Variants in ST6GALNAC3 observed in about 807,000 individuals in gnomAD.
ST6GALNAC3 encodes alpha-N-acetylgalactosaminide alpha-2,6-sialyltransferase 3.
A neutral mutation model predicts 32.7 loss-of-function variants in ST6GALNAC3; 25 were observed. That is an observed-to-expected ratio of 0.76 (90% CI 0.56 to 1.07). ST6GALNAC3 has a LOEUF of 1.07. Ranked by LOEUF, ST6GALNAC3 falls within the 50% of genes least tolerant of loss-of-function variation. The pLI is 0.00. For missense variants in ST6GALNAC3, 355 were observed against 382.4 expected (o/e 0.93, Z 0.60); for synonymous variants, 129 against 133.1 (o/e 0.97, Z 0.21).
At chr1:76,534,374 T>A (rs1663462648) in intron 3 of ST6GALNAC3, among the ~76,000 whole-genome samples, 1 of 152,086 alleles carries the variant, frequency 6.6e-6, no homozygotes, top group Admixed American at 6.6e-5. Context: ...CATCCATGTC[T>A]CTAATACTCC....
At chr1:76,342,014 C>T (rs1453425367) in intron 2 of ST6GALNAC3, among the ~76,000 whole-genome samples, 3 of 152,046 alleles carry the variant, frequency 2.0e-5, no homozygotes, top group Non-Finnish European at 2.9e-5. Context: ...CCAGCTTTAT[C>T]CATGTCCCTG....
chr1:76,387,854 G>A (rs1652216435), intron 2 of ST6GALNAC3, among the ~76,000 whole-genome samples: 1 of 151,980 alleles, frequency 6.6e-6, no homozygotes, highest in Non-Finnish European at 1.5e-5. Context: ...GATTTCCCCT[G>A]ATAGGCTATT....
chr1:76,079,871 C>G (rs991775677), intron 1 of ST6GALNAC3, among the ~76,000 whole-genome samples: 2 of 152,208 alleles, frequency 1.3e-5, no homozygotes, highest in African/African-American at 2.4e-5. Context: ...TCAGGCCATC[C>G]CCTGCCTCAG....
chr1:76,400,917 T>C (rs1653367048), intron 2 of ST6GALNAC3, among the ~76,000 whole-genome samples: 1 of 150,944 alleles, frequency 6.6e-6, no homozygotes, highest in Admixed American at 6.6e-5. Context: ...AAAAAAAGAA[T>C]GGAAGATACT....
intron 1 of ST6GALNAC3, among the ~76,000 whole-genome samples, chr1:76,135,338 T>TA (rs1480595828): frequency 6.6e-6 from 1 of 152,232 alleles, no homozygotes; most frequent in Non-Finnish European, 1.5e-5. Flanking sequence ...ACTTAGTATG[T>TA]AAGTATGTTC....
At chr1:76,208,516 G>A (rs928975694) in intron 1 of ST6GALNAC3, among the ~76,000 whole-genome samples, 2 of 152,190 alleles carry the variant, frequency 1.3e-5, no homozygotes, top group African/African-American at 2.4e-5. Flanking sequence ...CTTTTACCAT[G>A]AGGTTGCTTA....
At chr1:76,157,058 G>A (rs1371876026) in intron 1 of ST6GALNAC3, among the ~76,000 whole-genome samples, 1 of 147,258 alleles carries the variant, frequency 6.8e-6, no homozygotes, top group African/African-American at 2.5e-5. Flanking sequence ...TTGGAGGGTG[G>A]TATTAGAATA....
At chr1:76,352,990 C>T (rs1234330335) in intron 2 of ST6GALNAC3, among the ~76,000 whole-genome samples, 1 of 152,136 alleles carries the variant, frequency 6.6e-6, no homozygotes, top group Non-Finnish European at 1.5e-5. Context: ...CACCTACATT[C>T]TCCACTGGTC....
At chr1:76,546,615 A>T (rs1255088707) in intron 3 of ST6GALNAC3, among the ~76,000 whole-genome samples, 1 of 152,210 alleles carries the variant, frequency 6.6e-6, no homozygotes, top group Non-Finnish European at 1.5e-5. Context: ...CAAGGCAGTG[A>T]ATACACCTGG....
At chr1:76,534,437 C>T (rs1007793808) in intron 3 of ST6GALNAC3, among the ~76,000 whole-genome samples, 5 of 152,168 alleles carry the variant, frequency 3.3e-5, no homozygotes, top group African/African-American at 7.2e-5. Flanking sequence ...ATGTACACAT[C>T]GAGATCCCTC....
At chr1:76,267,355 C>A (rs12028135) in intron 1 of ST6GALNAC3, among the ~76,000 whole-genome samples, 1 of 152,064 alleles carries the variant, frequency 6.6e-6, no homozygotes, top group South Asian at 2.1e-4. Flanking sequence ...CCAGCCCACT[C>A]GAGCTCTGTC....
At chr1:76,244,001 G>T (rs1457915038) in intron 1 of ST6GALNAC3, among the ~76,000 whole-genome samples, 1 of 152,170 alleles carries the variant, frequency 6.6e-6, no homozygotes, top group Non-Finnish European at 1.5e-5. Context: ...ATGGTAGCTT[G>T]ATGGGGATGG....
intron 1 of ST6GALNAC3, among the ~76,000 whole-genome samples, chr1:76,309,244 T>C (rs1458498526): frequency 6.6e-6 from 1 of 152,196 alleles, no homozygotes; most frequent in Non-Finnish European, 1.5e-5. Flanking sequence ...TTTGGAAGCA[T>C]GGTGTGTCTT....
chr1:76,628,580 T>A (rs1243729343), intron 4 of ST6GALNAC3, 40 bp from the exon 5 acceptor site: 1 of 1,529,122 alleles, frequency 6.5e-7, no homozygotes, highest in Non-Finnish European at 8.7e-7. Flanking sequence ...TCATTCTTCA[T>A]CTCAATCTTT....
At chr1:76,323,943 T>A (rs1647019028) in intron 2 of ST6GALNAC3, among the ~76,000 whole-genome samples, 1 of 152,164 alleles carries the variant, frequency 6.6e-6, no homozygotes, top group Non-Finnish European at 1.5e-5. Context: ...GACTACGACC[T>A]CTACCTCCCA....
At position 76,365,256 on chromosome 1, in the gene ST6GALNAC3, T is replaced by TA. The variant is rs552421919; in HGVS notation, c.214-46750dup. Among the ~76,000 whole-genome samples the TA allele has an allele frequency of 2.5e-3, 382 of 152,296 alleles. 1 individual carries two copies. The highest frequency in any genetic ancestry group is 4.8e-3 in the Admixed American group (74 of 15,294). On this transcript the variant is annotated intron_variant, in intron 2 of 4. Transcript: ENST00000328299. Reference sequence around the variant, plus strand: ...ATCAAATACTGTGTATTCTTCCTTATAAGTGGGAGCTAAACAGTGGGTACC... The same window carrying TA: ...ATCAAATACTGTGTATTCTTCCTTATAAAGTGGGAGCTAAACAGTGGGTACC...
chr1:76,488,106 C>A (rs1269373718), intron 3 of ST6GALNAC3, among the ~76,000 whole-genome samples: 1 of 152,158 alleles, frequency 6.6e-6, no homozygotes, highest in Non-Finnish European at 1.5e-5. Flanking sequence ...CTGCCCAAAT[C>A]TCATGCTGAA....
chr1:76,180,690 C>T (rs936084575), intron 1 of ST6GALNAC3, among the ~76,000 whole-genome samples: 2 of 152,090 alleles, frequency 1.3e-5, no homozygotes, highest in African/African-American at 2.4e-5. Context: ...AGAGAAAGAG[C>T]GCCTGAATGT....
intron 1 of ST6GALNAC3, among the ~76,000 whole-genome samples, chr1:76,135,415 T>G (rs1649880535): frequency 3.3e-5 from 5 of 152,214 alleles, no homozygotes; most frequent in Admixed American, 2.6e-4. Flanking sequence ...TGATGGAAAC[T>G]GAATTGGGTA....
Sources: gnomAD v4.1 joint callset for allele counts (sites outside exome capture counted in the v4.1 genomes callset) on GRCh38, gnomAD v4.1.1 for gene constraint, MANE v1.5 for transcripts, NCBI Gene and HGNC (gene_info 2026-07-23, HGNC 2026-07-21) for gene names.